Variants in FNBP4 observed in about 807,000 individuals in gnomAD.
FNBP4 encodes the protein formin binding protein 4.
A neutral mutation model predicts 119.3 loss-of-function variants in FNBP4; 34 were observed. That is an observed-to-expected ratio of 0.28 (90% CI 0.22 to 0.38). The LOEUF (loss-of-function observed/expected upper bound fraction) is 0.38. Among genes scored for constraint, FNBP4 ranks in the 10% least tolerant of loss-of-function variants. The pLI is 1.00. For synonymous variants in FNBP4, 462 were observed against 430.6 expected, an observed-to-expected ratio of 1.07 and a Z score of -0.90; for missense variants, 1,112 against 1,228.9, an observed-to-expected ratio of 0.90 and a Z score of 1.42.
chr11:47,751,536 C>G (rs901975095), intron 4 of FNBP4, among the ~76,000 whole-genome samples: 16 of 152,002 alleles, frequency 1.1e-4, no homozygotes, highest in African/African-American at 3.6e-4. Context: ...AAATATTTGA[C>G]AGACATTGTC....
At chr11:47,730,479 G>T (rs1599174411) in intron 12 of FNBP4, among the ~76,000 whole-genome samples, 1 of 152,300 alleles carries the variant, frequency 6.6e-6, no homozygotes, top group South Asian at 2.1e-4. Context: ...CATTACTAGT[G>T]CTTTTCTACT....
At chr11:47,759,100 A>G (rs1168547601) in intron 2 of FNBP4, among the ~76,000 whole-genome samples, 1 of 151,804 alleles carries the variant, frequency 6.6e-6, no homozygotes, top group Non-Finnish European at 1.5e-5. Context: ...TCGTACTTTT[A>G]GTAGAGACGG....
Position 47,757,194 on chromosome 11 carries a change from C to T in FNBP4, c.314-2530G>A, listed in dbSNP as rs368516291. 4.8e-4 allele frequency among the ~76,000 whole-genome samples: 73 copies of T among 152,274 alleles called. 1 individual carries two copies. The South Asian group carries it at 0.015, about 30-fold the overall frequency. ...AAAAGCGTTCCTATTTCTCCACATC[C>T]TTTCCAGCATATGTAGGTAAGTTCT... On this transcript the variant is annotated intron_variant, in intron 2 of 16. Transcript: ENST00000263773.
intron 8 of FNBP4, 105 bp downstream of exon 8, chr11:47,743,847 TA>T: frequency 2.0e-6 from 2 of 999,038 alleles, no homozygotes; most frequent in Non-Finnish European, 3.0e-6. Flanking sequence ...TCCCAAAGAG[TA>T]AAAGTACAAT....
rs1330551591 is a variant in FNBP4, at chr11:47,751,218, T to C, written c.710A>G (p.Gln237Arg). Residue 237 changes from glutamine to arginine, a missense_variant, in exon 5 of 17, where the codon CAA becomes CGA. Gln to Arg is a conservative substitution (Grantham distance 43). Coordinates refer to ENST00000263773, the MANE Select transcript of FNBP4 (RefSeq NM_015308.5). ...TAACTCCCAAGTCACTTCATTTGTT[T>C]GTGTATTCCAATAATAATAACATCC... ...NTGCYYYWNT[Q>R]TNEVTWELPQ... 2 of 1,614,068 alleles carry C rather than the reference T, an allele frequency of 1.2e-6. No individual in the cohort carries two copies. The highest frequency in any genetic ancestry group is 2.7e-5 in the African/African-American group (2 of 74,946).
intron 16 of FNBP4, 98 bp downstream of exon 16, chr11:47,719,831 A>G (rs35299915): frequency 0.019 from 23,652 of 1,260,908 alleles, 243 homozygotes; most frequent in Non-Finnish European, 0.023. Context: ...GAATATGTCT[A>G]TTCTAATGCA....
At chr11:47,747,245 GC>G (rs1374632590) in intron 6 of FNBP4, among the ~76,000 whole-genome samples, 3 of 152,050 alleles carry the variant, frequency 2.0e-5, no homozygotes, top group Non-Finnish European at 4.4e-5. Context: ...CGCTCTTCTT[GC>G]CCAGGCTGGA....
chr11:47,747,379 T>C (rs191806494), intron 6 of FNBP4, among the ~76,000 whole-genome samples: 1 of 152,160 alleles, frequency 6.6e-6, no homozygotes, highest in African/African-American at 2.4e-5. Context: ...TAATTTTTTT[T>C]GTACTTTTAG....
intron 2 of FNBP4, among the ~76,000 whole-genome samples, chr11:47,764,514 GTGTTT>G (rs955330472): frequency 1.3e-5 from 2 of 151,466 alleles, no homozygotes; most frequent in African/African-American, 2.4e-5. Context: ...CCACACTGGG[GTGTTT>G]TGTTTGTTTT....
rs537725839 is a variant in FNBP4 at position 47,750,937 on chromosome 11, T to C, written c.885A>G (p.Ile295Met). 7 of 1,614,094 alleles carry C rather than the reference T, an allele frequency of 4.3e-6. No homozygotes were observed. The highest frequency in any genetic ancestry group is 2.2e-5 in the East Asian group (1 of 44,864). The change falls in exon 6 of 17, where the codon ATA (isoleucine) becomes ATG (methionine). Residue 295 changes from isoleucine to methionine, a missense_variant. Physicochemically the swap from Ile to Met is conservative, Grantham distance 10. This residue lies in a region of FNBP4 where 826 missense variants were observed against 988.8 expected (regional missense o/e 0.84). Coordinates refer to ENST00000263773, the MANE Select transcript of FNBP4 (RefSeq NM_015308.5). The stretch of plus-strand genomic sequence containing the variant: ...TGACCTTTTTAACTTCTCGCTTGGC[T>C]ATGACTGGTCCACTTTTACTACTGG... ...SVSSSKSGPV[I>M]AKREVKKEVN...
chr11:47,734,906 G>C (rs1252086873), intron 9 of FNBP4, among the ~76,000 whole-genome samples: 4 of 151,714 alleles, frequency 2.6e-5, no homozygotes, highest in African/African-American at 7.3e-5. Flanking sequence ...CTGGGAGGTG[G>C]AGGTTGCAGT....
chr11:47,723,188 G>T lies in FNBP4; in HGVS notation c.2593C>A (p.Leu865Ile), dbSNP rs377443770. The T allele has an allele frequency of 5.0e-6, 8 of 1,614,034 alleles. No individual in the cohort carries two copies. The African/African-American group carries it at 8.0e-5, about 16-fold the overall frequency. The part of the protein sequence containing the change: ...GMSLQSNYLG[L>I]AAAPAIMSYA... ...CTCATAATTGCAGGTGCTGCCGCTA[G>T]TCCAAGGTAATTTGACTGCAGGCTC... The change falls in exon 15 of 17, where the codon CTA becomes ATA. Residue 865 changes from leucine to isoleucine, a missense_variant. By Grantham distance (5) the Leu-to-Ile change is conservative. Transcript: ENST00000263773.
intron 8 of FNBP4, among the ~76,000 whole-genome samples, chr11:47,740,440 TTAAAA>T (rs147621021): frequency 0.014 from 2,157 of 151,288 alleles, 125 homozygotes; most frequent in African/African-American, 0.05. Context: ...ACATGGCTTA[TTAAAA>T]TATCAAAATA....
chr11:47,762,207 T>C (rs559520082), intron 2 of FNBP4, among the ~76,000 whole-genome samples: 7 of 146,940 alleles, frequency 4.8e-5, no homozygotes, highest in African/African-American at 1.8e-4. Context: ...GTCTAGCTCA[T>C]TGCAACCTCC....
intron 8 of FNBP4, among the ~76,000 whole-genome samples, chr11:47,738,662 G>A (rs867572977): frequency 6.6e-6 from 1 of 151,964 alleles, no homozygotes; most frequent in Non-Finnish European, 1.5e-5. Context: ...AAGTAAAAAT[G>A]TAACTTTAAA....
intron 6 of FNBP4, 101 bp from the exon 7 acceptor site, chr11:47,746,495 G>T: frequency 1.9e-6 from 2 of 1,066,734 alleles, no homozygotes; most frequent in Non-Finnish European, 2.6e-6. Context: ...GTTTTCAGTA[G>T]CTGAATACTC....
rs111350380 is a variant in FNBP4, at chr11:47,758,494, G to A, written c.314-3830C>T. ...TGACATTACAGGTGTGAGCCACCTC[G>A]TCTGACCACAAAATATAGGTGTGAG... On this transcript the variant is annotated intron_variant, in intron 2 of 16. Transcript: ENST00000263773. Among the ~76,000 whole-genome samples, 1,243 of 152,098 alleles carry A rather than the reference G, an allele frequency of 8.2e-3. 20 individuals are homozygous for A. Among genetic ancestry groups the A allele is most frequent in the African/African-American group, 0.028 (1,167 of 41,504 alleles).
intron 6 of FNBP4, 120 bp downstream of exon 6, chr11:47,750,795 TG>T: frequency 9.5e-7 from 1 of 1,055,684 alleles, no homozygotes; most frequent in South Asian, 1.7e-5. Context: ...GTGAAAGTTA[TG>T]AAACTTATCC....
At chr11:47,723,427 C>G (rs2097557919) in intron 14 of FNBP4, 111 bp from the exon 15 acceptor site, 9 of 1,471,314 alleles carry the variant, frequency 6.1e-6, no homozygotes, top group Non-Finnish European at 8.1e-6. Flanking sequence ...CCAATATATC[C>G]TTTTCTAAAA....
Sources: allele counts gnomAD v4.1 joint callset (sites outside exome capture counted in the v4.1 genomes callset), GRCh38; gene constraint gnomAD v4.1.1; regional missense constraint gnomAD v4.1.1; transcripts MANE v1.5; gene names NCBI Gene and HGNC (gene_info 2026-07-23, HGNC 2026-07-21).